The following NFX1 variants were observed in gnomAD, a reference collection of about 807,000 sequenced individuals.
NFX1 encodes the protein nuclear transcription factor, X-box binding 1.
Under a neutral mutation model 137.2 loss-of-function variants are expected in NFX1, and 69 were observed. The observed-to-expected ratio is 0.50, with a 90% CI of 0.41 to 0.61. The LOEUF is 0.61. Among genes scored for constraint, NFX1 ranks in the 20% least tolerant of loss-of-function variants. The pLI is 0.00. For synonymous variants in NFX1, 495 were observed against 474.1 expected, an observed-to-expected ratio of 1.04 and a Z score of -0.57; for missense variants, 1,167 against 1,391.0, an observed-to-expected ratio of 0.84 and a Z score of 2.56.
intron 12 of NFX1, among the ~76,000 whole-genome samples, chr9:33,339,363 A>AAATGGCCTTAGAAAGCC (rs1343625677): frequency 6.6e-5 from 10 of 152,288 alleles, no homozygotes; most frequent in African/African-American, 1.9e-4. Context: ...TTTGTCCAGG[A>AAATGGCCTTAGAAAGCC]AATGGCCTTA....
At chr9:33,321,780 GAGGCAAAAGGA>G (rs1822393916) in intron 9 of NFX1, among the ~76,000 whole-genome samples, 1 of 151,858 alleles carries the variant, frequency 6.6e-6, no homozygotes, top group Non-Finnish European at 1.5e-5. Flanking sequence ...TTGGGAGGCT[GAGGCAAAAGGA>G]TCATTTGACC....
chr9:33,318,983 C>A lies in NFX1; in HGVS notation c.1762C>A (p.Pro588Thr). 1 of 1,614,242 alleles carries A rather than the reference C, an allele frequency of 6.2e-7. No homozygotes were observed. Among genetic ancestry groups the A allele is most frequent in the Non-Finnish European group, 8.5e-7 (1 of 1,180,040 alleles). ...PQPCQQCPRL[P>T]QLVRCCPCGQ... ...GCCCTGCCAGCAATGCCCACGGCTC[C>A]CCCAGCTGGTGCGCTGTTGCCCCTG... is the stretch of plus-strand genomic sequence containing the variant. The change falls in exon 9 of 24, where the codon CCC (proline) becomes ACC (threonine). Residue 588 changes from proline (P) to threonine (T), a missense_variant. Coordinates refer to ENST00000379540, the MANE Select transcript of NFX1 (RefSeq NM_002504.6).
chr9:33,293,058 A>G (rs1390676213), intron 1 of NFX1, among the ~76,000 whole-genome samples: 1 of 152,160 alleles, frequency 6.6e-6, no homozygotes, highest in African/African-American at 2.4e-5. Context: ...TTACTCTATG[A>G]CCTTTATGAT....
At position 33,367,499 on chromosome 9, in the gene NFX1, T is replaced by G. The variant is rs1177236422; in HGVS notation, c.3186-16T>G. 6.2e-7 allele frequency: 1 copy of G among 1,612,542 alleles called. No individual in the cohort carries two copies. The highest frequency in any genetic ancestry group is 1.1e-5 in the South Asian group (1 of 91,054). On this transcript the variant is annotated splice_polypyrimidine_tract_variant and intron_variant, in intron 22 of 23. Transcript: ENST00000379540. ...AATTCTCACTTTTCAATGCTTGGTGTTTTGACTTTTATCAGGGGGAAGTCC... is the reference window on the plus strand; with the variant it reads ...AATTCTCACTTTTCAATGCTTGGTGGTTTGACTTTTATCAGGGGGAAGTCC...
chr9:33,362,501 T>A (rs1824026332), intron 19 of NFX1, among the ~76,000 whole-genome samples: 1 of 151,956 alleles, frequency 6.6e-6, no homozygotes, highest in African/African-American at 2.4e-5. Flanking sequence ...TTAAGTGAAA[T>A]AAGCCAGACA....
intron 11 of NFX1, among the ~76,000 whole-genome samples, chr9:33,338,168 A>G (rs1203555597): frequency 6.6e-6 from 1 of 151,964 alleles, no homozygotes; most frequent in Non-Finnish European, 1.5e-5. Context: ...CAGTTTGGAC[A>G]ACATGGTGAA....
In NFX1 at chr9:33,363,992, C is replaced by A; in HGVS notation, c.2874-18C>A. 6.6e-7 allele frequency: 1 copy of A among 1,514,062 alleles called. No homozygotes were observed. Among genetic ancestry groups the A allele is most frequent in the Non-Finnish European group, 8.9e-7 (1 of 1,118,134 alleles). The allele number at this position is 1,514,062 out of a possible 1,614,324, so 93.8% of individuals were successfully genotyped here. A position where few individuals can be genotyped will look rare whatever the true frequency, so the allele number is the denominator to read the frequency against. ...CCCTCCCACTCCTTTTATTTGCATA[C>A]CTCTCTCTCTCTTTCAGGAGATTAG... On this transcript the variant is annotated intron_variant, in intron 19 of 23. Transcript: ENST00000379540.
At chr9:33,322,152 G>T (rs1417540747) in intron 9 of NFX1, among the ~76,000 whole-genome samples, 2 of 148,220 alleles carry the variant, frequency 1.3e-5, no homozygotes, top group African/African-American at 2.5e-5. Flanking sequence ...AGTGAACTCA[G>T]ATCATGCCAC....
intron 11 of NFX1, among the ~76,000 whole-genome samples, chr9:33,337,515 C>T (rs1310819971): frequency 6.6e-6 from 1 of 152,188 alleles, no homozygotes; most frequent in Non-Finnish European, 1.5e-5. Context: ...ACCTTAAACA[C>T]TACCGTTGCT....
chr9:33,367,934 T>G (rs1231675702), intron 23 of NFX1, among the ~76,000 whole-genome samples: 1 of 151,914 alleles, frequency 6.6e-6, no homozygotes, highest in Non-Finnish European at 1.5e-5. Flanking sequence ...CATCGTGTAG[T>G]TAGGAATAGT....
chr9:33,343,163 T>C (rs1446131828), intron 13 of NFX1, among the ~76,000 whole-genome samples: 2 of 152,288 alleles, frequency 1.3e-5, no homozygotes, highest in South Asian at 4.1e-4. Flanking sequence ...CTCTATATTA[T>C]TAGCAGCAGT....
intron 19 of NFX1, among the ~76,000 whole-genome samples, chr9:33,363,547 G>A (rs1824078171): frequency 1.3e-5 from 2 of 152,054 alleles, no homozygotes; most frequent in Admixed American, 6.6e-5. Flanking sequence ...GCCTCCCAGA[G>A]TCCTAGGATT....
At chr9:33,311,064 A>G (rs781244429) in intron 5 of NFX1, 42 bp from the exon 6 acceptor site, 1 of 1,597,956 alleles carries the variant, frequency 6.3e-7, no homozygotes, top group Non-Finnish European at 8.6e-7. Context: ...TCGGGTTTGG[A>G]TACATGGCTG....
In NFX1 at chr9:33,303,273, G is replaced by A. The variant is rs773175746; in HGVS notation, c.1270+5G>A. On this transcript the variant is annotated splice_donor_5th_base_variant and intron_variant, in intron 4 of 23. Transcript: ENST00000379540. ...ATACCTACACTTGTTTCTGTGGTAA[G>A]TTTGTTTATATACACTGGAGTCTCT... is the stretch of plus-strand genomic sequence containing the variant. 6.2e-7 allele frequency: 1 copy of A among 1,613,230 alleles called. No homozygotes were observed. The highest frequency in any genetic ancestry group is 1.7e-5 in the Admixed American group (1 of 60,010).
chr9:33,302,712 C>T (rs1382355334), intron 3 of NFX1, among the ~76,000 whole-genome samples: 2 of 151,668 alleles, frequency 1.3e-5, no homozygotes, highest in East Asian at 1.9e-4. Context: ...CTCTGTTGCC[C>T]AGGCTGGAGT....
At chr9:33,342,966 C>T (rs539191403) in intron 13 of NFX1, 112 bp downstream of exon 13, 7 of 699,318 alleles carry the variant, frequency 1.0e-5, no homozygotes, top group South Asian at 4.4e-5. Flanking sequence ...ACTAAGCCTT[C>T]GTATTTCCAA....
intron 10 of NFX1, among the ~76,000 whole-genome samples, chr9:33,329,702 A>G (rs1822730734): frequency 6.6e-6 from 1 of 151,372 alleles, no homozygotes; most frequent in Non-Finnish European, 1.5e-5. Flanking sequence ...TCCATCACCC[A>G]GGATGGAGTG....
intron 11 of NFX1, among the ~76,000 whole-genome samples, chr9:33,332,868 C>T (rs1263390038): frequency 2.6e-5 from 4 of 152,190 alleles, no homozygotes; most frequent in Admixed American, 1.3e-4. Context: ...CCTTTTGAGA[C>T]GGAGTCTCGC....
chr9:33,328,447 A>G (rs1184284427), intron 9 of NFX1, 134 bp from the exon 10 acceptor site: 1 of 636,082 alleles, frequency 1.6e-6, no homozygotes. Flanking sequence ...AGAAGCATTG[A>G]CTGCATACTT....
Sources: gnomAD v4.1 joint callset for allele counts (sites outside exome capture counted in the v4.1 genomes callset) on GRCh38, gnomAD v4.1.1 for gene constraint, MANE v1.5 for transcripts, NCBI Gene and HGNC (gene_info 2026-07-23, HGNC 2026-07-21) for gene names.